MEF2A: variants seen among roughly 807,000 people sequenced by gnomAD.
MEF2A encodes the protein myocyte enhancer factor 2A.
Under a neutral mutation model 55.8 loss-of-function variants are expected in MEF2A, and 28 were observed. The observed-to-expected ratio is 0.50, with a 90% CI of 0.37 to 0.69. The LOEUF is 0.69. MEF2A is among the 30% of genes least tolerant of loss of function. The probability of loss-of-function intolerance (pLI) is 0.00; values close to 1 mark genes in which losing one functional copy is unlikely to be tolerated. For missense variants in MEF2A, 528 were observed against 626.2 expected, an observed-to-expected ratio of 0.84 and a Z score of 1.67; for synonymous variants, 239 against 227.1, an observed-to-expected ratio of 1.05 and a Z score of -0.47.
intron 7 of MEF2A, among the ~76,000 whole-genome samples, chr15:99,689,893 T>C (rs2055042271): frequency 6.6e-6 from 1 of 152,348 alleles, no homozygotes; most frequent in Non-Finnish European, 1.5e-5. Flanking sequence ...CTTCCTTTGC[T>C]TATTTTTAAG....
At chr15:99,690,752 T>TTG (rs1459906316) in intron 8 of MEF2A, 3 of 449,126 alleles carry the variant, frequency 6.7e-6, no homozygotes, top group Non-Finnish European at 1.3e-5. Flanking sequence ...CTAAAAAAAT[T>TTG]GGTCTTGTGG....
intron 3 of MEF2A, among the ~76,000 whole-genome samples, chr15:99,644,634 G>A (rs532962467): frequency 1.2e-3 from 189 of 152,312 alleles, no homozygotes; most frequent in African/African-American, 4.4e-3. Context: ...ACTTTATGTT[G>A]TTGCACAATT....
chr15:99,651,663 C>T (rs915424553), intron 4 of MEF2A, among the ~76,000 whole-genome samples: 3 of 152,192 alleles, frequency 2.0e-5, no homozygotes, highest in Non-Finnish European at 4.4e-5. Context: ...GCACCATCGC[C>T]TCACACAGCA....
chr15:99,675,457 G>A lies in MEF2A; in HGVS notation c.669G>A (p.Val223=). The change falls in exon 7 of 12, where the codon GTG becomes GTA. Residue 223 remains valine, a splice_region_variant and synonymous_variant. Coordinates refer to ENST00000557942, the MANE Select transcript of MEF2A (RefSeq NM_001319206.4). ...TVPNGAGSSP[V]GNGFVNSRAS... Reference sequence around the variant, plus strand: ...CAAATGGAGCTGGAAGCAGTCCAGTGGGTGAGTGAATTCCTACTCTTCTGT... The same window carrying A: ...CAAATGGAGCTGGAAGCAGTCCAGTAGGTGAGTGAATTCCTACTCTTCTGT... 1 of 1,613,174 alleles carries A rather than the reference G, an allele frequency of 6.2e-7. No homozygotes were observed. The highest frequency in any genetic ancestry group is 8.5e-7 in the Non-Finnish European group (1 of 1,179,152).
chr15:99,694,664 G>T (rs1183233705), intron 8 of MEF2A, among the ~76,000 whole-genome samples: 1 of 152,104 alleles, frequency 6.6e-6, no homozygotes, highest in African/African-American at 2.4e-5. Flanking sequence ...TCTTTCTCCC[G>T]CTTTTCATAC....
intron 1 of MEF2A, among the ~76,000 whole-genome samples, chr15:99,573,262 C>T (rs986503675): frequency 6.9e-6 from 1 of 145,298 alleles, no homozygotes; most frequent in Non-Finnish European, 1.5e-5. Context: ...GCACTCCAGC[C>T]TGGGCAACAG....
chr15:99,597,892 T>A (rs762261560), intron 1 of MEF2A, among the ~76,000 whole-genome samples: 3 of 152,204 alleles, frequency 2.0e-5, no homozygotes, highest in Non-Finnish European at 2.9e-5. Flanking sequence ...TTTTGTAGTT[T>A]TGTGTTAATT....
Position 99,714,799 on chromosome 15 carries a change from T to TCCCCCCCCCCC in MEF2A, c.*2029_*2039dup, listed in dbSNP as rs58267790. ...CCTACAATTTCTATGTACATTTTGT[T>TCCCCCCCCCCC]CCCCCCCCCCCACCCCCCCCCCAAA... On this transcript the variant is annotated 3_prime_UTR_variant, in exon 12 of 12. Transcript: ENST00000557942. 1.5e-4 allele frequency: 5 copies of TCCCCCCCCCCC among 33,140 alleles called. No individual in the cohort carries two copies. The highest frequency in any genetic ancestry group is 5.7e-4 in the African/African-American group (3 of 5,282). 2.1% of individuals were successfully genotyped at this position (33,140 alleles called of 1,614,324 possible). A position where few individuals can be genotyped will look rare whatever the true frequency, so the allele number is the denominator to read the frequency against.
At chr15:99,578,822 A>AT (rs1324098264) in intron 1 of MEF2A, among the ~76,000 whole-genome samples, 1 of 152,236 alleles carries the variant, frequency 6.6e-6, no homozygotes, top group Non-Finnish European at 1.5e-5. Flanking sequence ...AAAAGAAAGG[A>AT]TTGGAACTTA....
At chr15:99,578,639 G>A (rs1001560822) in intron 1 of MEF2A, among the ~76,000 whole-genome samples, 2 of 152,144 alleles carry the variant, frequency 1.3e-5, no homozygotes, top group South Asian at 2.1e-4. Context: ...TAAGAAATAC[G>A]TGTGTATACG....
At chr15:99,640,849 G>C (rs1352915163) in intron 3 of MEF2A, among the ~76,000 whole-genome samples, 1 of 152,036 alleles carries the variant, frequency 6.6e-6, no homozygotes, top group Admixed American at 6.5e-5. Flanking sequence ...CGCCCAGCCA[G>C]TGTTTTCTTG....
At chr15:99,611,714 G>T (rs547556502) in intron 2 of MEF2A, among the ~76,000 whole-genome samples, 1 of 152,294 alleles carries the variant, frequency 6.6e-6, no homozygotes, top group South Asian at 2.1e-4. Flanking sequence ...ACAAAAACTT[G>T]TACACCGTTA....
intron 3 of MEF2A, among the ~76,000 whole-genome samples, chr15:99,644,697 A>G (rs2045648551): frequency 6.6e-6 from 1 of 152,252 alleles, no homozygotes; most frequent in Admixed American, 6.5e-5. Flanking sequence ...ACTGTTTTTT[A>G]AACAGACTTT....
intron 3 of MEF2A, among the ~76,000 whole-genome samples, chr15:99,643,015 A>T (rs2045305696): frequency 6.6e-6 from 1 of 152,192 alleles, no homozygotes; most frequent in South Asian, 2.1e-4. Context: ...TTTAAAACTA[A>T]CTTTTGTGAT....
intron 3 of MEF2A, among the ~76,000 whole-genome samples, chr15:99,641,044 T>C (rs1193911213): frequency 6.6e-6 from 1 of 152,162 alleles, no homozygotes; most frequent in Non-Finnish European, 1.5e-5. Context: ...GTTTGCGTGA[T>C]CCCAGTCGAT....
At chr15:99,647,492 G>A (rs911731266) in intron 4 of MEF2A, among the ~76,000 whole-genome samples, 1 of 152,124 alleles carries the variant, frequency 6.6e-6, no homozygotes, top group Non-Finnish European at 1.5e-5. Flanking sequence ...TGGAGGTTGA[G>A]GGTACTTCAC....
chr15:99,614,976 A>G (rs575579153), intron 2 of MEF2A, among the ~76,000 whole-genome samples: 2 of 152,348 alleles, frequency 1.3e-5, no homozygotes, highest in African/African-American at 4.8e-5. Context: ...TGGGCTTTTA[A>G]GAACAGTGAT....
intron 6 of MEF2A, 130 bp from the exon 7 acceptor site, chr15:99,675,269 T>TA: frequency 1.3e-6 from 1 of 794,448 alleles, no homozygotes; most frequent in Non-Finnish European, 2.2e-6. Flanking sequence ...CAGACTGAGC[T>TA]AGTTTTTATT....
At position 99,672,947 on chromosome 15, in the gene MEF2A, G is replaced by A. The variant is rs549476708; in HGVS notation, c.391-1446G>A. ...CCATGTGGAGCATCATTGGGAACCTGCTGTTAGCATGTGTAGCCTACACAC... is the reference window on the plus strand; with the variant it reads ...CCATGTGGAGCATCATTGGGAACCTACTGTTAGCATGTGTAGCCTACACAC... On this transcript the variant is annotated intron_variant, in intron 5 of 11. Coordinates refer to ENST00000557942, the MANE Select transcript of MEF2A (RefSeq NM_001319206.4). Among the ~76,000 whole-genome samples, 242 of 152,298 alleles carry A rather than the reference G, an allele frequency of 1.6e-3. 2 individuals carry two copies. The highest frequency in any genetic ancestry group is 5.6e-3 in the African/African-American group (232 of 41,562).
Sources: allele counts gnomAD v4.1 joint callset (sites outside exome capture counted in the v4.1 genomes callset), GRCh38; gene constraint gnomAD v4.1.1; transcripts MANE v1.5; gene names NCBI Gene and HGNC (gene_info 2026-07-23, HGNC 2026-07-21).